Variants in DLG5 observed in about 807,000 individuals in gnomAD.
DLG5 encodes discs large MAGUK scaffold protein 5.
A neutral mutation model predicts 189.8 loss-of-function variants in DLG5; 48 were observed. The observed-to-expected ratio is 0.25, with a 90% CI of 0.20 to 0.32. DLG5 has a LOEUF of 0.32. Among genes scored for constraint, DLG5 ranks in the 10% least tolerant of loss-of-function variants. The probability of loss-of-function intolerance (pLI) is 1.00; values close to 1 mark genes in which losing one functional copy is unlikely to be tolerated. For missense variants in DLG5, 2,160 were observed against 2,544.7 expected (o/e 0.85, Z 3.25); for synonymous variants, 1,016 against 1,054.1 (o/e 0.96, Z 0.70).
At chr10:77,807,645 A>C in intron 25 of DLG5, 151 bp downstream of exon 25, 1 of 923,874 alleles carries the variant, frequency 1.1e-6, no homozygotes, top group Non-Finnish European at 1.6e-6. Context: ...TCTCAACATA[A>C]ATAAGCGTGC....
At chr10:77,830,610 C>A in intron 10 of DLG5, 131 bp downstream of exon 10, 1 of 1,418,522 alleles carries the variant, frequency 7.0e-7, no homozygotes, top group Non-Finnish European at 9.6e-7. Flanking sequence ...GGAAAGGATG[C>A]CTCACACTCC....
chr10:77,919,697 T>TA (rs1201340974), intron 1 of DLG5, among the ~76,000 whole-genome samples: 1 of 151,116 alleles, frequency 6.6e-6, no homozygotes, highest in Non-Finnish European at 1.5e-5. Flanking sequence ...TTTCTACTCT[T>TA]AGACAGCGTG....
intron 14 of DLG5, among the ~76,000 whole-genome samples, chr10:77,823,606 C>T (rs1218586805): frequency 1.3e-5 from 2 of 151,412 alleles, no homozygotes; most frequent in Non-Finnish European, 2.9e-5. Context: ...TCTCAGCTCA[C>T]TGCAACCTCC....
chr10:77,912,572 T>G (rs1041789578), intron 1 of DLG5: 3 of 151,948 alleles, frequency 2.0e-5, no homozygotes, highest in Non-Finnish European at 4.4e-5. Flanking sequence ...AAAAAAAAAG[T>G]AACCACTGCT....
At chr10:77,930,671 A>T (rs750946765), upstream of DLG5, among the ~76,000 whole-genome samples, 3 of 146,456 alleles carry the variant, frequency 2.0e-5, no homozygotes, top group Non-Finnish European at 4.5e-5. Context: ...TTATTCATTT[A>T]TTGGAGACAA....
Position 77,821,586 on chromosome 10 carries a change from C to T in DLG5, c.2898G>A (p.Lys966=). The T allele has an allele frequency of 6.2e-7, 1 of 1,613,032 alleles. No individual in the cohort carries two copies. Among genetic ancestry groups the T allele is most frequent in the Non-Finnish European group, 8.5e-7 (1 of 1,180,026 alleles). Residue 966 remains lysine, a synonymous_variant, in exon 15 of 32, where the codon AAG becomes AAA. Coordinates refer to ENST00000372391, the MANE Select transcript of DLG5 (RefSeq NM_004747.4). ...CAAAGATGGACTTTCTTTGCTTTGG[C>T]TTTTTATAAACAGAGAGCTTCTCAG... is the stretch of plus-strand genomic sequence containing the variant. ...AVPEKLSVYK[K]PKQRKSIFDP...
chr10:77,932,442 T>A, the DLG5 span, among the ~76,000 whole-genome samples: 1 of 152,196 alleles, frequency 6.6e-6, no homozygotes, highest in Non-Finnish European at 1.5e-5. Flanking sequence ...GAGTTTTGCA[T>A]TGAGGCCCTA....
chr10:77,937,399 T>G, the DLG5 span, among the ~76,000 whole-genome samples: 27 of 152,166 alleles, frequency 1.8e-4, no homozygotes, highest in Non-Finnish European at 3.2e-4. Context: ...TTGCATCATT[T>G]GTAAGTTTGG....
chr10:77,806,628 A>G, intron 26 of DLG5, 130 bp downstream of exon 26: 1 of 1,272,900 alleles, frequency 7.9e-7, no homozygotes, highest in Non-Finnish European at 1.1e-6. Context: ...TAGAGAGCAG[A>G]AGCTAAGATA....
chr10:77,880,842 A>G (rs1479855061), intron 1 of DLG5, among the ~76,000 whole-genome samples: 1 of 152,158 alleles, frequency 6.6e-6, no homozygotes, highest in African/African-American at 2.4e-5. Context: ...GGCCACTATC[A>G]ACTCACCTTC....
chr10:77,874,787 C>T (rs1486298440), intron 1 of DLG5, among the ~76,000 whole-genome samples: 1 of 152,158 alleles, frequency 6.6e-6, no homozygotes, highest in African/African-American at 2.4e-5. Flanking sequence ...AGCCGGTACT[C>T]TAAGTGTTAG....
chr10:77,853,289 A>T, intron 5 of DLG5, 65 bp downstream of exon 5: 1 of 1,369,852 alleles, frequency 7.3e-7, no homozygotes, highest in South Asian at 1.8e-5. Flanking sequence ...TCTCAATACT[A>T]TTCTCCATTA....
At chr10:77,855,513 C>T (rs1844187459) in intron 3 of DLG5, among the ~76,000 whole-genome samples, 1 of 152,260 alleles carries the variant, frequency 6.6e-6, no homozygotes, top group Non-Finnish European at 1.5e-5. Flanking sequence ...AACCACTCGA[C>T]TCCACCTTTG....
intron 2 of DLG5, among the ~76,000 whole-genome samples, chr10:77,857,150 C>T (rs931667753): frequency 2.0e-5 from 3 of 152,128 alleles, no homozygotes; most frequent in African/African-American, 7.2e-5. Context: ...CCTGAAGACG[C>T]GCACTCTCTC....
intron 13 of DLG5, among the ~76,000 whole-genome samples, chr10:77,827,815 G>A (rs2579140): frequency 0.26 from 38,935 of 152,086 alleles, 5,541 homozygotes; most frequent in Admixed American, 0.39. Flanking sequence ...GGTAGGATGC[G>A]AATTGCAGAT....
chr10:77,794,793 C>G (rs1023479708), intron 30 of DLG5, 56 bp downstream of exon 30: 1 of 1,475,590 alleles, frequency 6.8e-7, no homozygotes, highest in South Asian at 1.2e-5. Context: ...CCTACTTGGG[C>G]TCCCAGCCCC....
At chr10:77,846,842 G>T in intron 5 of DLG5, 1 of 409,204 alleles carries the variant, frequency 2.4e-6, no homozygotes, top group Non-Finnish European at 4.9e-6. Flanking sequence ...CAGCCGCGGG[G>T]AGACGAGCCA....
intron 13 of DLG5, among the ~76,000 whole-genome samples, chr10:77,828,530 A>G (rs962578532): frequency 1.3e-5 from 2 of 150,354 alleles, no homozygotes; most frequent in Non-Finnish European, 3.0e-5. Flanking sequence ...GGTTATCTAC[A>G]GGTGGTACCA....
rs760657308 is a variant in DLG5, at chr10:77,835,933, C to A, written c.1438-11G>T. 1 of 1,605,888 alleles carries A rather than the reference C, an allele frequency of 6.2e-7. No individual in the cohort carries two copies. Among genetic ancestry groups the A allele is most frequent in the South Asian group, 1.1e-5 (1 of 90,648 alleles). On this transcript the variant is annotated splice_polypyrimidine_tract_variant and intron_variant, in intron 7 of 31. Transcript: ENST00000372391. ...CACCGTGTCTTTGATCTGGTGGGAGCAAGGGGCAGGAAGAGGGAGAGGTTG... is the reference window on the plus strand; with the variant it reads ...CACCGTGTCTTTGATCTGGTGGGAGAAAGGGGCAGGAAGAGGGAGAGGTTG...
Sources: allele counts gnomAD v4.1 joint callset (sites outside exome capture counted in the v4.1 genomes callset), GRCh38; gene constraint gnomAD v4.1.1; transcripts MANE v1.5; gene names NCBI Gene and HGNC (gene_info 2026-07-23, HGNC 2026-07-21).